The following PCDH15 variants were observed in gnomAD, a reference collection of about 807,000 sequenced individuals.
PCDH15 encodes protocadherin-15.
PCDH15 carries 129 observed loss-of-function variants against 178.5 expected under a neutral mutation model. The observed-to-expected ratio is 0.72, with a 90% CI of 0.63 to 0.84. The LOEUF (loss-of-function observed/expected upper bound fraction) is 0.84. PCDH15 is among the 40% of genes least tolerant of loss of function. The probability of loss-of-function intolerance (pLI) is 0.00; values close to 1 mark genes in which losing one functional copy is unlikely to be tolerated. For missense variants in PCDH15, 2,230 were observed against 2,099.9 expected (o/e 1.06, Z -1.21); for synonymous variants, 800 against 732.0 (o/e 1.09, Z -1.50).
At chr10:54,181,788 C>T (rs1442702427) in intron 13 of PCDH15, among the ~76,000 whole-genome samples, 1 of 152,132 alleles carries the variant, frequency 6.6e-6, no homozygotes, top group African/African-American at 2.4e-5. Context: ...TTACCAAATA[C>T]ACAGCAGAAG....
intron 1 of PCDH15, among the ~76,000 whole-genome samples, chr10:55,221,977 C>T (rs1372660422): frequency 6.6e-6 from 1 of 151,200 alleles, no homozygotes; most frequent in Non-Finnish European, 1.5e-5. Context: ...CGCCATTCTC[C>T]TGCCTCAGCC....
intron 3 of PCDH15, among the ~76,000 whole-genome samples, chr10:54,853,502 G>T (rs969033979): frequency 2.1e-5 from 3 of 146,208 alleles, no homozygotes; most frequent in African/African-American, 7.6e-5. Context: ...TGCTCCCATT[G>T]TTGAATAAAA....
intron 2 of PCDH15, among the ~76,000 whole-genome samples, chr10:55,350,268 T>TATATATATATATAC (rs1327352441): frequency 1.6e-4 from 9 of 56,762 alleles, no homozygotes; most frequent in Admixed American, 3.8e-4. Context: ...TATATATATA[T>TATATATATATATAC]ACACACACAC....
chr10:54,830,621 C>T (rs59074255), intron 3 of PCDH15, among the ~76,000 whole-genome samples: 5,934 of 151,676 alleles, frequency 0.039, 346 homozygotes, highest in African/African-American at 0.13. Context: ...CATTAGGAGA[C>T]ATACCTAATG....
At chr10:55,433,906 A>G (rs61851134) in intron 2 of PCDH15, among the ~76,000 whole-genome samples, 48,817 of 151,734 alleles carry the variant, frequency 0.32, 8,039 homozygotes, top group African/African-American at 0.37. Flanking sequence ...GTTGAGAAGT[A>G]GTGCCCTATC....
chr10:55,321,829 C>T (rs1843910605), upstream of PCDH15, among the ~76,000 whole-genome samples: 1 of 152,192 alleles, frequency 6.6e-6, no homozygotes, highest in South Asian at 2.1e-4. Context: ...TACAACCAGA[C>T]CTACCTTACA....
At chr10:54,857,452 AC>A (rs1177117881) in intron 3 of PCDH15, among the ~76,000 whole-genome samples, 1 of 151,984 alleles carries the variant, frequency 6.6e-6, no homozygotes, top group Non-Finnish European at 1.5e-5. Flanking sequence ...TGATTTAAAT[AC>A]TTTTTTTTGA....
chr10:53,978,785 A>C (rs968764672), intron 21 of PCDH15, among the ~76,000 whole-genome samples: 11 of 151,886 alleles, frequency 7.2e-5, no homozygotes, highest in Non-Finnish European at 1.0e-4. Flanking sequence ...ATCTCTCTCA[A>C]GTTCAATGTT....
chr10:53,812,781 A>G (rs1241298131), intron 35 of PCDH15, among the ~76,000 whole-genome samples: 2 of 152,150 alleles, frequency 1.3e-5, no homozygotes, highest in African/African-American at 4.8e-5. Flanking sequence ...GGAATACGAG[A>G]AGAGAGGGGG....
At chr10:55,283,455 ACT>A (rs1842785734) in intron 1 of PCDH15, among the ~76,000 whole-genome samples, 1 of 151,822 alleles carries the variant, frequency 6.6e-6, no homozygotes, top group Admixed American at 6.6e-5. Flanking sequence ...CATGAATTAA[ACT>A]CTTTCTCTAT....
At chr10:53,932,553 C>A (rs1028270840) in intron 25 of PCDH15, among the ~76,000 whole-genome samples, 3 of 152,164 alleles carry the variant, frequency 2.0e-5, no homozygotes, top group African/African-American at 2.4e-5. Flanking sequence ...GAAGGGAAAG[C>A]ATATATTTCC....
At chr10:54,100,084 G>T in intron 15 of PCDH15, among the ~76,000 whole-genome samples, 1 of 152,116 alleles carries the variant, frequency 6.6e-6, no homozygotes, top group East Asian at 1.9e-4. Flanking sequence ...GTATTGCTCA[G>T]TGGTCGGGCA....
intron 3 of PCDH15, among the ~76,000 whole-genome samples, chr10:54,848,577 C>T (rs1953554464): frequency 6.6e-6 from 1 of 151,880 alleles, no homozygotes; most frequent in African/African-American, 2.4e-5. Flanking sequence ...AATGATGCCT[C>T]CTCCATCTTG....
At chr10:54,540,336 G>T (rs2085068251) in intron 2 of PCDH15, among the ~76,000 whole-genome samples, 1 of 150,660 alleles carries the variant, frequency 6.6e-6, no homozygotes, top group African/African-American at 2.4e-5. Context: ...ATTACAACTG[G>T]TCCAACAGAA....
rs192752428 is a variant in PCDH15 at position 54,339,389 on chromosome 10, C to A, written c.594+6976G>T. ...AAAAAAAAAAATCAGCAGTATTTTACAATAACTGTGATGAGTACACTAGAA... is the reference window on the plus strand; with the variant it reads ...AAAAAAAAAAATCAGCAGTATTTTAAAATAACTGTGATGAGTACACTAGAA... On this transcript the variant is annotated intron_variant, in intron 6 of 37. Coordinates refer to ENST00000644397, the MANE Select transcript of PCDH15 (RefSeq NM_001384140.1). 5.9e-3 allele frequency among the ~76,000 whole-genome samples: 896 copies of A among 152,096 alleles called. 12 individuals are homozygous for A. The highest frequency in any genetic ancestry group is 0.021 in the African/African-American group (873 of 41,490).
Position 55,053,397 on chromosome 10 carries a change from T to C in PCDH15, c.-80+113179A>G, listed in dbSNP as rs148397785. On this transcript the variant is annotated intron_variant, in intron 2 of 5. Coordinates refer to the PCDH15 transcript ENST00000458638. ...CATCAAGACGGTACATGAGTAGGAT[T>C]CAAATAAACCCTCTGACAGGAGAAA... is the stretch of plus-strand genomic sequence containing the variant. Among the ~76,000 whole-genome samples the C allele has an allele frequency of 4.5e-3, 688 of 152,268 alleles. 7 individuals carry two copies. Among genetic ancestry groups the C allele is most frequent in the African/African-American group, 0.016 (644 of 41,548 alleles).
intron 2 of PCDH15, among the ~76,000 whole-genome samples, chr10:55,125,489 G>T (rs1468264913): frequency 6.6e-6 from 1 of 152,008 alleles, no homozygotes; most frequent in African/African-American, 2.4e-5. Flanking sequence ...AGAGGGTAAG[G>T]GATCCCATTG....
chr10:54,456,942 T>C (rs576842904), intron 3 of PCDH15, among the ~76,000 whole-genome samples: 99 of 152,270 alleles, frequency 6.5e-4, no homozygotes, highest in Non-Finnish European at 5.9e-5. Flanking sequence ...GATTGTAAGC[T>C]TCCTGAGGCC....
chr10:53,947,796 G>C (rs2086696960), intron 23 of PCDH15, among the ~76,000 whole-genome samples: 1 of 152,158 alleles, frequency 6.6e-6, no homozygotes, highest in Admixed American at 6.6e-5. Flanking sequence ...CTGTCACTAA[G>C]AGTTTTGCTT....
Sources: gnomAD v4.1 joint callset for allele counts (sites outside exome capture counted in the v4.1 genomes callset) on GRCh38, gnomAD v4.1.1 for gene constraint, MANE v1.5 for transcripts, NCBI Gene and HGNC (gene_info 2026-07-23, HGNC 2026-07-21) for gene names.